Variants in MAPK10 observed in about 807,000 individuals in gnomAD.
MAPK10 encodes the protein JNK3 alpha protein kinase.
MAPK10 carries 25 observed loss-of-function variants against 59.3 expected under a neutral mutation model. That is an observed-to-expected ratio of 0.42 (90% CI 0.31 to 0.59). MAPK10 has a LOEUF of 0.59. Among genes scored for constraint, MAPK10 ranks in the 20% least tolerant of loss-of-function variants. The probability of loss-of-function intolerance (pLI) is 0.15; values close to 1 mark genes in which losing one functional copy is unlikely to be tolerated. For missense variants in MAPK10, 351 were observed against 568.9 expected (o/e 0.62, Z 3.90); for synonymous variants, 190 against 200.5 (o/e 0.95, Z 0.44).
At chr4:86,576,524 C>T (rs535962379) in intron 1 of MAPK10, among the ~76,000 whole-genome samples, 1 of 152,190 alleles carries the variant, frequency 6.6e-6, no homozygotes, top group African/African-American at 2.4e-5. Context: ...CCTGTAATCC[C>T]AGCACTTTGG....
intron 2 of MAPK10, among the ~76,000 whole-genome samples, chr4:86,283,495 C>A (rs1242405721): frequency 6.6e-6 from 1 of 152,164 alleles, no homozygotes; most frequent in African/African-American, 2.4e-5. Flanking sequence ...AGTGTCCTTA[C>A]GACATGATAA....
chr4:86,372,572 A>AAAGAAAG (rs1564749756), intron 1 of MAPK10, among the ~76,000 whole-genome samples: 40 of 104,022 alleles, frequency 3.8e-4, no homozygotes, highest in East Asian at 2.2e-3. Context: ...AAGAAAGAAA[A>AAAGAAAG]GAAAAGAAAA....
rs76259611 is a variant in MAPK10, at chr4:86,045,125, G to A, written c.1111-13694C>T. Among the ~76,000 whole-genome samples, 652 of 152,188 alleles carry A rather than the reference G, an allele frequency of 4.3e-3. 29 individuals carry two copies. The East Asian group carries it at 0.1, about 24-fold the overall frequency. ...CATAATGCTCCAGTGGTTTGGCAAA[G>A]AAGTTGAATTCAGTTTTCTCTATTT... On this transcript the variant is annotated intron_variant, in intron 11 of 13. Transcript: ENST00000641462.
upstream of MAPK10, among the ~76,000 whole-genome samples, chr4:86,454,849 C>T (rs1234996073): frequency 2.0e-5 from 3 of 151,556 alleles, no homozygotes; most frequent in South Asian, 4.2e-4. Context: ...GAAGTCAAGA[C>T]AAAGAAAAAA....
intron 2 of MAPK10, among the ~76,000 whole-genome samples, chr4:86,223,044 C>T (rs2089965816): frequency 6.6e-6 from 1 of 152,216 alleles, no homozygotes. Context: ...TGTCAAGAAA[C>T]AGCCATTGAC....
chr4:86,170,678 T>C (rs1234840090), intron 3 of MAPK10, among the ~76,000 whole-genome samples: 3 of 151,896 alleles, frequency 2.0e-5, no homozygotes, highest in East Asian at 3.9e-4. Context: ...GAAAGAAAGT[T>C]AACAAGGATA....
intron 1 of MAPK10, among the ~76,000 whole-genome samples, chr4:86,458,954 C>G (rs1028068603): frequency 6.6e-6 from 1 of 152,124 alleles, no homozygotes; most frequent in African/African-American, 2.4e-5. Flanking sequence ...GCAGAAGGAA[C>G]AGTCAGCAGA....
At chr4:86,136,989 C>A (rs1348991283) in intron 4 of MAPK10, among the ~76,000 whole-genome samples, 1 of 152,108 alleles carries the variant, frequency 6.6e-6, no homozygotes, top group African/African-American at 2.4e-5. Context: ...AGCTAACTAT[C>A]CTAAATATAT....
At chr4:86,396,576 G>A (rs1262907332) in intron 1 of MAPK10, among the ~76,000 whole-genome samples, 3 of 152,206 alleles carry the variant, frequency 2.0e-5, no homozygotes. Context: ...AAATACTTGA[G>A]ACTGAGTAAT....
intron 1 of MAPK10, among the ~76,000 whole-genome samples, chr4:86,424,119 G>T (rs997292222): frequency 3.3e-5 from 5 of 152,146 alleles, no homozygotes; most frequent in Admixed American, 6.5e-5. Context: ...GACAGCTCAT[G>T]GAATTCCACC....
At chr4:86,343,596 C>T (rs1237816926) in intron 2 of MAPK10, among the ~76,000 whole-genome samples, 2 of 152,130 alleles carry the variant, frequency 1.3e-5, no homozygotes, top group Admixed American at 6.6e-5. Flanking sequence ...GTATAGTTCA[C>T]GGACCCCTGA....
chr4:86,408,370 CAT>C (rs1744655072), intron 1 of MAPK10, among the ~76,000 whole-genome samples: 1 of 152,064 alleles, frequency 6.6e-6, no homozygotes, highest in Non-Finnish European at 1.5e-5. Context: ...TACATGTGCA[CAT>C]GTCTTTATAG....
chr4:86,224,502 G>C (rs1160751972), intron 2 of MAPK10, among the ~76,000 whole-genome samples: 3 of 152,172 alleles, frequency 2.0e-5, no homozygotes, highest in African/African-American at 7.2e-5. Flanking sequence ...AGGAAGCATA[G>C]AGAATGTGAG....
At chr4:86,068,204 G>C (rs1285218755) in intron 9 of MAPK10, among the ~76,000 whole-genome samples, 1 of 152,126 alleles carries the variant, frequency 6.6e-6, no homozygotes, top group Non-Finnish European at 1.5e-5. Flanking sequence ...TCATGAAATA[G>C]TCTTTGGGGT....
chr4:86,382,088 C>CT (rs1237354432), intron 1 of MAPK10, among the ~76,000 whole-genome samples: 11 of 152,142 alleles, frequency 7.2e-5, no homozygotes, highest in Non-Finnish European at 1.6e-4. Flanking sequence ...ATCCTGGCCT[C>CT]TGTCAGCTAG....
Position 86,138,998 on chromosome 4 carries a change from G to A in MAPK10, c.236+20300C>T, listed in dbSNP as rs2062941157. Among the ~76,000 whole-genome samples, 2 of 61,196 alleles carry A rather than the reference G, an allele frequency of 3.3e-5. 1 individual carries two copies. Among genetic ancestry groups the A allele is most frequent in the Non-Finnish European group, 1.1e-4 (2 of 18,862 alleles). The allele number at this position is 61,196 out of a possible 152,430, so 40.1% of individuals were successfully genotyped here. On this transcript the variant is annotated intron_variant, in intron 4 of 13. Coordinates refer to ENST00000641462, the MANE Select transcript of MAPK10 (RefSeq NM_138982.4). ...AAGGGATGTGAAGGACCTCTTCAAGGAGAACTACAAACCACTGCTCAAAGA... is the reference window on the plus strand; with the variant it reads ...AAGGGATGTGAAGGACCTCTTCAAGAAGAACTACAAACCACTGCTCAAAGA...
intron 1 of MAPK10, among the ~76,000 whole-genome samples, chr4:86,472,298 G>C (rs531452211): frequency 5.3e-4 from 80 of 152,082 alleles, no homozygotes; most frequent in African/African-American, 1.9e-3. Context: ...AATTCTAAGT[G>C]GTATTTATGG....
At chr4:86,041,999 C>T (rs1333545986) in intron 11 of MAPK10, among the ~76,000 whole-genome samples, 1 of 152,136 alleles carries the variant, frequency 6.6e-6, no homozygotes, top group Non-Finnish European at 1.5e-5. Flanking sequence ...TTATTCTGTT[C>T]TAAAGACACA....
intron 1 of MAPK10, among the ~76,000 whole-genome samples, chr4:86,568,255 A>G (rs1761207137): frequency 6.6e-6 from 1 of 152,214 alleles, no homozygotes; most frequent in Admixed American, 6.5e-5. Context: ...AAAAATCTCT[A>G]CAAGAAAAAC....
Sources: gnomAD v4.1 joint callset for allele counts (sites outside exome capture counted in the v4.1 genomes callset) on GRCh38, gnomAD v4.1.1 for gene constraint, MANE v1.5 for transcripts, NCBI Gene and HGNC (gene_info 2026-07-23, HGNC 2026-07-21) for gene names.